FRMD4B: variants seen among roughly 807,000 people sequenced by gnomAD.
The protein encoded by FRMD4B is FERM domain-containing protein 4B.
Under a neutral mutation model 141.5 loss-of-function variants are expected in FRMD4B, and 74 were observed. That is an observed-to-expected ratio of 0.52 (90% CI 0.43 to 0.63). The LOEUF is 0.63. FRMD4B is among the 30% of genes least tolerant of loss of function. The pLI is 0.00. For synonymous variants in FRMD4B, 506 were observed against 467.9 expected (o/e 1.08, Z -1.05); for missense variants, 1,366 against 1,253.4 (o/e 1.09, Z -1.36).
At chr3:69,463,192 C>T (rs1489263195) in intron 1 of FRMD4B, among the ~76,000 whole-genome samples, 1 of 152,246 alleles carries the variant, frequency 6.6e-6, no homozygotes. Context: ...AGTCAATCCA[C>T]TCTTCTCACA....
intron 4 of FRMD4B, among the ~76,000 whole-genome samples, chr3:69,298,665 C>A (rs539956860): frequency 6.6e-6 from 1 of 152,200 alleles, no homozygotes; most frequent in African/African-American, 2.4e-5. Context: ...GTTCCCCTGG[C>A]CTGGAAGAAA....
rs188677481 is a variant in FRMD4B at position 69,248,712 on chromosome 3, T to C, written c.581+514A>G. Among the ~76,000 whole-genome samples, 3 of 152,332 alleles carry C rather than the reference T, an allele frequency of 2.0e-5. No individual in the cohort carries two copies. In the East Asian group the frequency reaches 5.8e-4, roughly 29 times the overall value. The stretch of plus-strand genomic sequence containing the variant: ...CAAATATAAACACCCTCTGTGGATG[T>C]GGCCAGTGAGGCAGTTAGAACCATT... On this transcript the variant is annotated intron_variant, in intron 7 of 22. Transcript: ENST00000398540.
chr3:69,279,778 T>A (rs1317406986), intron 5 of FRMD4B, among the ~76,000 whole-genome samples: 7 of 100,258 alleles, frequency 7.0e-5, no homozygotes, highest in African/African-American at 3.0e-4. Flanking sequence ...CCTCCCCTCC[T>A]CCTCTCCTCC....
intron 1 of FRMD4B, among the ~76,000 whole-genome samples, chr3:69,537,526 GA>G (rs1293810130): frequency 1.3e-5 from 2 of 152,186 alleles, no homozygotes; most frequent in Non-Finnish European, 2.9e-5. Flanking sequence ...GCACATAAAT[GA>G]AAACAGGATC....
intron 1 of FRMD4B, among the ~76,000 whole-genome samples, chr3:69,439,486 T>A (rs1282855113): frequency 6.6e-6 from 1 of 152,182 alleles, no homozygotes; most frequent in African/African-American, 2.4e-5. Flanking sequence ...TGTGGGAGAA[T>A]CTTTCGTGAG....
chr3:69,351,522 C>T (rs926757351), intron 1 of FRMD4B, among the ~76,000 whole-genome samples: 1 of 152,210 alleles, frequency 6.6e-6, no homozygotes, highest in Admixed American at 6.5e-5. Flanking sequence ...CACCTGTGCA[C>T]AGGCTTCTGC....
intron 1 of FRMD4B, among the ~76,000 whole-genome samples, chr3:69,483,812 T>C (rs1706170081): frequency 6.6e-6 from 1 of 152,214 alleles, no homozygotes; most frequent in Non-Finnish European, 1.5e-5. Flanking sequence ...ACGATGACCT[T>C]ATCAAAAGCC....
rs531025193 is a variant in FRMD4B at position 69,500,394 on chromosome 3, A to G, written c.-129+41812T>C. ...ATTCTTAATGAGGACAGAAATGTGA[A>G]CTCATTGCATTGAGTGGGTCATCCT... On this transcript the variant is annotated intron_variant, in intron 1 of 5. Coordinates refer to the FRMD4B transcript ENST00000459638. 1.3e-3 allele frequency among the ~76,000 whole-genome samples: 196 copies of G among 152,316 alleles called. 1 individual carries two copies. The highest frequency in any genetic ancestry group is 4.1e-3 in the South Asian group (20 of 4,824).
At chr3:69,516,041 A>G (rs1700752452) in intron 1 of FRMD4B, among the ~76,000 whole-genome samples, 1 of 152,102 alleles carries the variant, frequency 6.6e-6, no homozygotes, top group South Asian at 2.1e-4. Flanking sequence ...CCTGGGCAAC[A>G]AAGAGAGACT....
rs74694936 is a variant in FRMD4B, at chr3:69,410,110, C to G, written c.-1+22524G>C. Among the ~76,000 whole-genome samples the G allele has an allele frequency of 3.0e-3, 450 of 152,328 alleles. 4 individuals are homozygous for G. Among genetic ancestry groups the G allele is most frequent in the Middle Eastern group, 6.8e-3 (2 of 294 alleles). Reference sequence around the variant, plus strand: ...ATTTCCTAGTGCACAGAACAGACCCCTGGCTTGCTTCCCTCAGACTGTGAA... The same window carrying G: ...ATTTCCTAGTGCACAGAACAGACCCGTGGCTTGCTTCCCTCAGACTGTGAA... On this transcript the variant is annotated intron_variant, in intron 2 of 5. Transcript: ENST00000459638.
At chr3:69,423,714 C>T (rs567720767) in intron 2 of FRMD4B, among the ~76,000 whole-genome samples, 1 of 152,152 alleles carries the variant, frequency 6.6e-6, no homozygotes, top group Non-Finnish European at 1.5e-5. Flanking sequence ...ATGAAAGAGG[C>T]CCCAGAGAGC....
chr3:69,365,960 C>T lies in FRMD4B; in HGVS notation c.162+19868G>A, dbSNP rs111519392. Among the ~76,000 whole-genome samples the T allele has an allele frequency of 5.5e-3, 522 of 95,272 alleles. 38 individuals carry two copies. Among genetic ancestry groups the T allele is most frequent in the African/African-American group, 0.018 (278 of 15,632 alleles). 62.5% of individuals were successfully genotyped at this position (95,272 alleles called of 152,430 possible). On this transcript the variant is annotated intron_variant, in intron 1 of 22. Coordinates refer to ENST00000398540, the MANE Select transcript of FRMD4B (RefSeq NM_015123.3). ...CAGGTCAAGCATGGTGGCTTATGCC[C>T]GTAATCCCAGCACTTTGAGAGGCTG...
At chr3:69,299,743 A>G (rs553354384) in intron 4 of FRMD4B, among the ~76,000 whole-genome samples, 1 of 152,332 alleles carries the variant, frequency 6.6e-6, no homozygotes, top group Admixed American at 6.5e-5. Context: ...CACCGAAAAT[A>G]ACAGCGGTAC....
At chr3:69,421,753 G>A (rs1575796827) in intron 2 of FRMD4B, among the ~76,000 whole-genome samples, 1 of 152,290 alleles carries the variant, frequency 6.6e-6, no homozygotes, top group Non-Finnish European at 1.5e-5. Context: ...TACCATATTG[G>A]ATAACACAGA....
intron 2 of FRMD4B, among the ~76,000 whole-genome samples, chr3:69,404,035 A>G (rs538325227): frequency 1.6e-4 from 25 of 152,264 alleles, no homozygotes; most frequent in Admixed American, 1.2e-3. Flanking sequence ...AGCTAGGACT[A>G]TAGGCATCCA....
chr3:69,443,158 C>G (rs1272848219), intron 1 of FRMD4B, among the ~76,000 whole-genome samples: 2 of 152,164 alleles, frequency 1.3e-5, no homozygotes, highest in South Asian at 2.1e-4. Context: ...CCCCTGACCC[C>G]CAGGGAGGGG....
rs375369183 is a variant in FRMD4B at position 69,239,885 on chromosome 3, C to A, written c.581+9341G>T. On this transcript the variant is annotated intron_variant, in intron 7 of 22. Transcript: ENST00000398540. ...TGGCCAACATGGTGAAACCTTGTCT[C>A]TACTAAAAATACAAAAAATTAGCCA... Among the ~76,000 whole-genome samples, 8 of 152,162 alleles carry A rather than the reference C, an allele frequency of 5.3e-5. No individual in the cohort carries two copies. In the East Asian group the frequency reaches 1.4e-3, roughly 26 times the overall value.
chr3:69,332,520 C>T (rs767741420), intron 1 of FRMD4B, among the ~76,000 whole-genome samples: 2 of 152,106 alleles, frequency 1.3e-5, no homozygotes, highest in Non-Finnish European at 2.9e-5. Flanking sequence ...CTTCTTCCTC[C>T]CTTGTGGTCA....
intron 2 of FRMD4B, among the ~76,000 whole-genome samples, chr3:69,430,112 A>T (rs1705154700): frequency 6.6e-6 from 1 of 152,070 alleles, no homozygotes; most frequent in African/African-American, 2.4e-5. Context: ...TCTAGTACAA[A>T]CGGGACTAGA....
Sources: gnomAD v4.1 joint callset for allele counts (sites outside exome capture counted in the v4.1 genomes callset) on GRCh38, gnomAD v4.1.1 for gene constraint, MANE v1.5 for transcripts, NCBI Gene and HGNC (gene_info 2026-07-23, HGNC 2026-07-21) for gene names.